The following CSMD1 variants were observed in gnomAD, a reference collection of about 807,000 sequenced individuals.
CSMD1 encodes CUB and Sushi multiple domains 1.
CSMD1 carries 213 observed loss-of-function variants against 417.5 expected under a neutral mutation model. That is an observed-to-expected ratio of 0.51 (90% CI 0.46 to 0.57). CSMD1 has a LOEUF of 0.57. Ranked by LOEUF, CSMD1 falls within the 20% of genes least tolerant of loss-of-function variation. CSMD1 has a pLI of 0.00. For missense variants in CSMD1, 6,923 were observed against 4,529.7 expected, an observed-to-expected ratio of 1.53 and a Z score of -15.17; for synonymous variants, 2,862 against 1,736.8, an observed-to-expected ratio of 1.65 and a Z score of -16.11.
intron 1 of CSMD1, among the ~76,000 whole-genome samples, chr8:4,862,396 A>G (rs1246386668): frequency 6.6e-6 from 1 of 152,118 alleles, no homozygotes; most frequent in African/African-American, 2.4e-5. Flanking sequence ...CTTTCAAAGA[A>G]TCACTGTAGC....
chr8:4,946,529 C>G (rs982654273), intron 1 of CSMD1, among the ~76,000 whole-genome samples: 1 of 152,122 alleles, frequency 6.6e-6, no homozygotes, highest in African/African-American at 2.4e-5. Context: ...TGCCTCTAAC[C>G]AGGCCTGAAG....
intron 5 of CSMD1, among the ~76,000 whole-genome samples, chr8:3,955,882 C>T (rs112879046): frequency 1.3e-5 from 2 of 152,232 alleles, no homozygotes; most frequent in Non-Finnish European, 2.9e-5. Context: ...TGCAATGGCA[C>T]GATCTCGGCT....
intron 6 of CSMD1, among the ~76,000 whole-genome samples, chr8:3,725,335 A>G (rs1802420602): frequency 6.6e-6 from 1 of 152,200 alleles, no homozygotes; most frequent in South Asian, 2.1e-4. Context: ...GGACAAACAT[A>G]TCCCTGCATG....
intron 1 of CSMD1, among the ~76,000 whole-genome samples, chr8:4,736,898 G>A (rs113074492): frequency 6.6e-6 from 1 of 152,110 alleles, no homozygotes; most frequent in South Asian, 2.1e-4. Flanking sequence ...AATGTTATCA[G>A]CTGTCATCAT....
chr8:4,389,084 T>C (rs1214749172), intron 3 of CSMD1, among the ~76,000 whole-genome samples: 1 of 152,176 alleles, frequency 6.6e-6, no homozygotes, highest in Non-Finnish European at 1.5e-5. Context: ...CTCTACATTA[T>C]AGGAATGTTT....
chr8:3,921,214 A>T (rs374558085), intron 5 of CSMD1, among the ~76,000 whole-genome samples: 1 of 152,090 alleles, frequency 6.6e-6, no homozygotes, highest in African/African-American at 2.4e-5. Context: ...TTTTGCGTAT[A>T]TAATTTTTAC....
intron 5 of CSMD1, among the ~76,000 whole-genome samples, chr8:3,817,387 T>C (rs1047448780): frequency 1.7e-4 from 26 of 148,658 alleles, no homozygotes; most frequent in African/African-American, 6.2e-4. Context: ...TTCAAGTTAT[T>C]CTTCTGCCTC....
At chr8:3,443,486 C>G (rs1184781698) in intron 12 of CSMD1, among the ~76,000 whole-genome samples, 1 of 152,170 alleles carries the variant, frequency 6.6e-6, no homozygotes, top group African/African-American at 2.4e-5. Flanking sequence ...ATAGAGATAT[C>G]TACATATGTG....
At chr8:4,334,578 G>T (rs1052834838) in intron 3 of CSMD1, among the ~76,000 whole-genome samples, 1 of 152,088 alleles carries the variant, frequency 6.6e-6, no homozygotes, top group South Asian at 2.1e-4. Flanking sequence ...ATGACAGAGA[G>T]ACATCTCTAT....
intron 3 of CSMD1, among the ~76,000 whole-genome samples, chr8:4,095,206 C>A (rs919721530): frequency 6.6e-6 from 1 of 152,158 alleles, no homozygotes; most frequent in African/African-American, 2.4e-5. Flanking sequence ...GGTTTGGTTA[C>A]AACGTACTGC....
At chr8:4,796,506 T>C (rs1232655730) in intron 1 of CSMD1, among the ~76,000 whole-genome samples, 1 of 151,992 alleles carries the variant, frequency 6.6e-6, no homozygotes, top group Non-Finnish European at 1.5e-5. Flanking sequence ...GAATGGTCTT[T>C]CTCAATGACC....
At chr8:3,601,966 A>T (rs958145686) in intron 8 of CSMD1, among the ~76,000 whole-genome samples, 16 of 152,120 alleles carry the variant, frequency 1.1e-4, no homozygotes, top group African/African-American at 3.6e-4. Flanking sequence ...AGGAAGTACA[A>T]TGGTGGCTGT....
chr8:4,062,101 A>G (rs1215838534), intron 3 of CSMD1, among the ~76,000 whole-genome samples: 1 of 152,104 alleles, frequency 6.6e-6, no homozygotes, highest in Non-Finnish European at 1.5e-5. Flanking sequence ...AGCATCACAG[A>G]GAATGCATGG....
chr8:3,881,879 G>T (rs1345571745), intron 5 of CSMD1, among the ~76,000 whole-genome samples: 1 of 152,032 alleles, frequency 6.6e-6, no homozygotes, highest in Non-Finnish European at 1.5e-5. Flanking sequence ...TCCATAAATG[G>T]GGCTGGGTCA....
chr8:4,953,063 A>G (rs925554255), intron 1 of CSMD1, among the ~76,000 whole-genome samples: 11 of 49,550 alleles, frequency 2.2e-4, no homozygotes, highest in African/African-American at 6.2e-4. Context: ...AGATGTTAAG[A>G]CAAAAAAACA....
chr8:3,286,513 G>A (rs1803170642), intron 25 of CSMD1, among the ~76,000 whole-genome samples: 2 of 152,070 alleles, frequency 1.3e-5, no homozygotes, highest in African/African-American at 2.4e-5. Flanking sequence ...GTTAATGATC[G>A]CCATTCTAAC....
intron 10 of CSMD1, among the ~76,000 whole-genome samples, chr8:3,520,343 G>A (rs536844977): frequency 3.0e-4 from 46 of 151,954 alleles, no homozygotes; most frequent in Non-Finnish European, 5.9e-4. Context: ...AACTGCAGAA[G>A]AATATTTTGA....
At chr8:3,743,817 G>C (rs1249370243) in intron 6 of CSMD1, among the ~76,000 whole-genome samples, 1 of 152,076 alleles carries the variant, frequency 6.6e-6, no homozygotes, top group East Asian at 1.9e-4. Context: ...TTGCCCACCA[G>C]ACACAAATGC....
intron 54 of CSMD1, among the ~76,000 whole-genome samples, chr8:2,992,505 C>A (rs1037100464): frequency 6.6e-6 from 1 of 151,856 alleles, no homozygotes; most frequent in Non-Finnish European, 1.5e-5. Context: ...CTCACTGCAA[C>A]CTCTGCCTTC....
Sources: gnomAD v4.1 joint callset for allele counts (sites outside exome capture counted in the v4.1 genomes callset) on GRCh38, gnomAD v4.1.1 for gene constraint, MANE v1.5 for transcripts, NCBI Gene and HGNC (gene_info 2026-07-23, HGNC 2026-07-21) for gene names.